RASSF3: variants seen among roughly 807,000 people sequenced by gnomAD.
The protein encoded by RASSF3 is Ras association domain family member 3.
RASSF3 carries 19 observed loss-of-function variants against 19.9 expected under a neutral mutation model. The observed-to-expected ratio is 0.96, with a 90% CI of 0.67 to 1.40. The LOEUF (loss-of-function observed/expected upper bound fraction) is 1.40. Ranked by LOEUF, RASSF3 falls within the 40% of genes most tolerant of loss-of-function variation. The pLI is 0.00. For synonymous variants in RASSF3, 110 were observed against 104.2 expected, an observed-to-expected ratio of 1.06 and a Z score of -0.34; for missense variants, 306 against 289.8, an observed-to-expected ratio of 1.06 and a Z score of -0.41.
intron 1 of RASSF3, among the ~76,000 whole-genome samples, chr12:64,647,348 A>G (rs1871771150): frequency 6.6e-6 from 1 of 151,798 alleles, no homozygotes; most frequent in African/African-American, 2.4e-5. Flanking sequence ...TCCCAGGCTC[A>G]AGTGATCTTC....
chr12:64,618,174 GCATGATAATAGTGC>G (rs1870617680), intron 1 of RASSF3, among the ~76,000 whole-genome samples: 2 of 151,968 alleles, frequency 1.3e-5, no homozygotes, highest in African/African-American at 4.8e-5. Flanking sequence ...TTATTCACAG[GCATGATAATAGTGC>G]CCTATAGCCT....
At chr12:64,584,205 T>A (rs1869752399) in intron 2 of RASSF3, among the ~76,000 whole-genome samples, 2 of 152,266 alleles carry the variant, frequency 1.3e-5, no homozygotes, top group South Asian at 4.1e-4. Flanking sequence ...GCTTGATTTC[T>A]GCAGGGCAGT....
At chr12:64,689,973 T>C (rs1253796313) in intron 3 of RASSF3, among the ~76,000 whole-genome samples, 2 of 151,320 alleles carry the variant, frequency 1.3e-5, no homozygotes, top group Non-Finnish European at 2.9e-5. Context: ...GTGTTTTTAG[T>C]AGAGACGGGA....
At chr12:64,563,390 G>A (rs566670192) in intron 2 of RASSF3, among the ~76,000 whole-genome samples, 8 of 151,926 alleles carry the variant, frequency 5.3e-5, no homozygotes, top group South Asian at 4.2e-4. Flanking sequence ...GGCTGGTCTC[G>A]ATCTCCTGAC....
rs57415160 is a variant in RASSF3, at chr12:64,632,318, C to T, written c.111+21575C>T. ...GGAGGGTTGGCAGGCTCTGAAAGGC[C>T]GTGCTTGCCAGCCTGAGGATTGAAT... On this transcript the variant is annotated intron_variant, in intron 1 of 4. Coordinates refer to ENST00000542104, the MANE Select transcript of RASSF3 (RefSeq NM_178169.4). Among the ~76,000 whole-genome samples, 681 of 152,136 alleles carry T rather than the reference C, an allele frequency of 4.5e-3. 2 individuals are homozygous for T. Among genetic ancestry groups the T allele is most frequent in the African/African-American group, 0.016 (651 of 41,492 alleles).
At chr12:64,671,001 A>C (rs1275262501) in intron 1 of RASSF3, among the ~76,000 whole-genome samples, 1 of 152,116 alleles carries the variant, frequency 6.6e-6, no homozygotes, top group Non-Finnish European at 1.5e-5. Context: ...ACCCAATTCC[A>C]GGGTTATTGT....
chr12:64,676,549 G>A (rs917746856), intron 1 of RASSF3, among the ~76,000 whole-genome samples: 1 of 140,922 alleles, frequency 7.1e-6, no homozygotes, highest in African/African-American at 2.7e-5. Flanking sequence ...TTGGCTCACT[G>A]CAACCTCTGC....
intron 4 of RASSF3, 148 bp from the exon 5 acceptor site, chr12:64,694,615 G>A: frequency 1.3e-6 from 1 of 796,480 alleles, no homozygotes; most frequent in Admixed American, 2.3e-5. Flanking sequence ...CCTTAGGCTG[G>A]CAACACCCCA....
chr12:64,600,950 C>T lies in RASSF3; in HGVS notation c.294+59245C>T, dbSNP rs79422398. ...ATGTCATTGTAACCTTCCATAGTGC[C>T]CAAAACAGGGTCATATTCTATTTTT... On this transcript the variant is annotated intron_variant, in intron 2 of 5. Transcript: ENST00000637125. 1.7e-3 allele frequency among the ~76,000 whole-genome samples: 253 copies of T among 152,166 alleles called. 5 individuals carry two copies. The East Asian group carries it at 0.027, about 16-fold the overall frequency.
chr12:64,597,202 C>T (rs1200321148), intron 2 of RASSF3, among the ~76,000 whole-genome samples: 8 of 149,860 alleles, frequency 5.3e-5, no homozygotes, highest in East Asian at 2.0e-4. Flanking sequence ...GCTCGATCTT[C>T]GCTCACTGCA....
chr12:64,537,814 A>G (rs1029534993), intron 1 of RASSF3, among the ~76,000 whole-genome samples: 1 of 152,210 alleles, frequency 6.6e-6, no homozygotes, highest in Admixed American at 6.6e-5. Context: ...AGTTGTTTAA[A>G]CAACAGAAAA....
chr12:64,577,715 G>C (rs1479300628), intron 2 of RASSF3, among the ~76,000 whole-genome samples: 2 of 152,178 alleles, frequency 1.3e-5, no homozygotes, highest in African/African-American at 2.4e-5. Context: ...CTGGGTAACA[G>C]AGCAAGACTC....
At chr12:64,528,039 A>G (rs10784414) in intron 1 of RASSF3, among the ~76,000 whole-genome samples, 86,832 of 152,060 alleles carry the variant, frequency 0.57, 25,382 homozygotes, top group East Asian at 0.97. Flanking sequence ...CAGGAGAACC[A>G]CTCGCATCCA....
intron 3 of RASSF3, among the ~76,000 whole-genome samples, chr12:64,689,083 G>A (rs112159224): frequency 0.01 from 1,536 of 152,184 alleles, 38 homozygotes; most frequent in African/African-American, 0.035. Flanking sequence ...CACATTCAGG[G>A]GATAGAAAGA....
At chr12:64,550,834 G>GAAAAA (rs761807385) in intron 2 of RASSF3, among the ~76,000 whole-genome samples, 3 of 125,754 alleles carry the variant, frequency 2.4e-5, no homozygotes, top group Non-Finnish European at 3.2e-5. Context: ...AAAAAAAAAA[G>GAAAAA]AAAGAAAGAA....
At chr12:64,515,823 G>C (rs10784413) in intron 1 of RASSF3, among the ~76,000 whole-genome samples, 53,830 of 151,916 alleles carry the variant, frequency 0.35, 10,274 homozygotes, top group African/African-American at 0.5. Context: ...CCACACATGG[G>C]TTAAAAAGTA....
chr12:64,631,530 G>T (rs559534976), intron 1 of RASSF3, among the ~76,000 whole-genome samples: 26 of 136,802 alleles, frequency 1.9e-4, no homozygotes, highest in Non-Finnish European at 4.1e-4. Context: ...TGTTGTCATC[G>T]TATGTAATGT....
At chr12:64,578,115 C>G (rs1295700880) in intron 2 of RASSF3, among the ~76,000 whole-genome samples, 1 of 151,474 alleles carries the variant, frequency 6.6e-6, no homozygotes, top group Non-Finnish European at 1.5e-5. Flanking sequence ...CCCAGCTACT[C>G]GGGAGGCTGA....
At chr12:64,691,806 A>C (rs975252782) in intron 4 of RASSF3, among the ~76,000 whole-genome samples, 1 of 123,902 alleles carries the variant, frequency 8.1e-6, no homozygotes, top group East Asian at 2.4e-4. Context: ...ACAACCTTAT[A>C]TTATTAGTCT....
Sources: gnomAD v4.1 joint callset for allele counts (sites outside exome capture counted in the v4.1 genomes callset) on GRCh38, gnomAD v4.1.1 for gene constraint, MANE v1.5 for transcripts, NCBI Gene and HGNC (gene_info 2026-07-23, HGNC 2026-07-21) for gene names.